The following NAT1 variants were observed in gnomAD, a reference collection of about 807,000 sequenced individuals.
The protein encoded by NAT1 is arylamine N-acetyltransferase 1.
For synonymous variants in NAT1, 144 were observed against 122.6 expected, an observed-to-expected ratio of 1.17 and a Z score of -1.16; for missense variants, 400 against 339.2, an observed-to-expected ratio of 1.18 and a Z score of -1.41.
chr8:18,192,516 T>G (rs960653137), intron 2 of NAT1, among the ~76,000 whole-genome samples: 4 of 152,192 alleles, frequency 2.6e-5, no homozygotes, highest in Non-Finnish European at 5.9e-5. Flanking sequence ...CTATAAATCA[T>G]GCTGCTATAA....
intron 2 of NAT1, among the ~76,000 whole-genome samples, chr8:18,190,595 G>T (rs1034670650): frequency 6.6e-6 from 1 of 152,178 alleles, no homozygotes; most frequent in Non-Finnish European, 1.5e-5. Context: ...GGACCTAGAA[G>T]CCATGAGCAG....
At chr8:18,179,007 T>C (rs1802401730) in intron 2 of NAT1, among the ~76,000 whole-genome samples, 1 of 152,278 alleles carries the variant, frequency 6.6e-6, no homozygotes, top group East Asian at 1.9e-4. Context: ...CTTGTCCTTC[T>C]TGTTCCTGCG....
At chr8:18,208,760 G>T (rs963752256), upstream of NAT1, among the ~76,000 whole-genome samples, 10 of 152,214 alleles carry the variant, frequency 6.6e-5, no homozygotes, top group African/African-American at 2.4e-4. Context: ...AGCCTCCAAG[G>T]CCCTTGATTC....
At chr8:18,214,496 T>A (rs1402257703) in intron 1 of NAT1, among the ~76,000 whole-genome samples, 2 of 152,248 alleles carry the variant, frequency 1.3e-5, no homozygotes, top group African/African-American at 4.8e-5. Flanking sequence ...GCTGTCCTGA[T>A]GTTTTCTCTT....
Position 18,222,455 on chromosome 8 carries a change from G to C in NAT1, c.408G>C (p.Glu136Asp), listed in dbSNP as rs769863219. The change falls in exon 3 of 3, where the codon GAG (glutamate) becomes GAC (aspartate). Residue 136 changes from glutamate to aspartate, a missense_variant. Physicochemically the swap from Glu to Asp is conservative, Grantham distance 45. Transcript: ENST00000307719. ...GRSYQMWQPL[E>D]LISGKDQPQV... ...CATACCAGATGTGGCAGCCTCTGGA[G>C]TTAATTTCTGGGAAGGATCAGCCTC... 8 of 1,613,982 alleles carry C rather than the reference G, an allele frequency of 5.0e-6. No homozygotes were observed. The African/African-American group carries it at 1.1e-4, about 22-fold the overall frequency.
upstream of NAT1, among the ~76,000 whole-genome samples, chr8:18,205,399 G>A (rs995607275): frequency 6.6e-6 from 1 of 152,146 alleles, no homozygotes; most frequent in East Asian, 1.9e-4. Flanking sequence ...CCTTCTCTGT[G>A]CCCTGTAACA....
Position 18,222,138 on chromosome 8 carries a change from C to G in NAT1, c.91C>G (p.Gln31Glu). ...AACATTAACTGACATTCTTCAACAC[C>G]AGATCCGAGCTGTTCCCTTTGAGAA... ...LETLTDILQH[Q>E]IRAVPFENLN... is the part of the protein sequence containing the mutation. Residue 31 changes from glutamine (Q) to glutamate (E), a missense_variant, in exon 3 of 3, where the codon CAG becomes GAG. Physicochemically the swap from Gln to Glu is conservative, Grantham distance 29. Coordinates refer to ENST00000307719, the MANE Select transcript of NAT1 (RefSeq NM_000662.8). 1 of 1,614,116 alleles carries G rather than the reference C, an allele frequency of 6.2e-7. No individual in the cohort carries two copies. Among genetic ancestry groups the G allele is most frequent in the South Asian group, 1.1e-5 (1 of 91,080 alleles).
chr8:18,198,181 T>G (rs919989262), intron 2 of NAT1, among the ~76,000 whole-genome samples: 2 of 152,166 alleles, frequency 1.3e-5, no homozygotes, highest in Non-Finnish European at 1.5e-5. Context: ...AAAATCTGCT[T>G]TTCTTCCTCC....
chr8:18,216,193 C>T (rs1339625273), intron 1 of NAT1, among the ~76,000 whole-genome samples: 2 of 152,160 alleles, frequency 1.3e-5, no homozygotes, highest in African/African-American at 2.4e-5. Flanking sequence ...GTTACCCTGA[C>T]TTTCTGTGGT....
chr8:18,176,863 T>C (rs183087595), intron 2 of NAT1, among the ~76,000 whole-genome samples: 5 of 152,224 alleles, frequency 3.3e-5, no homozygotes, highest in Non-Finnish European at 5.9e-5. Flanking sequence ...ACAGAATATC[T>C]TTCCATTTAT....
At chr8:18,194,303 G>A (rs1803141753) in intron 2 of NAT1, among the ~76,000 whole-genome samples, 1 of 152,122 alleles carries the variant, frequency 6.6e-6, no homozygotes, top group South Asian at 2.1e-4. Context: ...TAGGGGAGAG[G>A]GTGAGGTGGC....
Position 18,222,110 on chromosome 8 carries a change from G to A in NAT1, c.63G>A (p.Leu21=). 1 of 1,614,102 alleles carries A rather than the reference G, an allele frequency of 6.2e-7. No individual in the cohort carries two copies. Among genetic ancestry groups the A allele is most frequent in the Non-Finnish European group, 8.5e-7 (1 of 1,179,984 alleles). The part of the protein sequence containing the change: ...GYKKSRNKLD[L]ETLTDILQHQ... ...AGAAGTCTAGGAACAAATTGGACTTGGAAACATTAACTGACATTCTTCAAC... is the reference window on the plus strand; with the variant it reads ...AGAAGTCTAGGAACAAATTGGACTTAGAAACATTAACTGACATTCTTCAAC... The change falls in exon 3 of 3, where the codon TTG becomes TTA. Residue 21 remains leucine (L), a synonymous_variant. Coordinates refer to ENST00000307719, the MANE Select transcript of NAT1 (RefSeq NM_000662.8).
At chr8:18,216,845 C>T in intron 1 of NAT1, 1 of 1,343,676 alleles carries the variant, frequency 7.4e-7, no homozygotes, top group Non-Finnish European at 1.0e-6. Context: ...TAAGGGGGAA[C>T]TCATAAGAAC....
chr8:18,193,128 G>T (rs979383847), intron 2 of NAT1, among the ~76,000 whole-genome samples: 1 of 139,416 alleles, frequency 7.2e-6, no homozygotes, highest in African/African-American at 2.8e-5. Flanking sequence ...GCCCAGGTTG[G>T]AGTGCAGTGA....
intron 1 of NAT1, chr8:18,211,136 T>C (rs1476332550): frequency 6.6e-6 from 1 of 151,496 alleles, no homozygotes; most frequent in Non-Finnish European, 1.5e-5. Context: ...GGACACTTAC[T>C]GGAGAGGGTC....
At chr8:18,213,444 G>A (rs57737501) in intron 1 of NAT1, among the ~76,000 whole-genome samples, 1 of 151,898 alleles carries the variant, frequency 6.6e-6, no homozygotes, top group African/African-American at 2.4e-5. Flanking sequence ...TGACTCCTGT[G>A]GTTTCATTTT....
intron 2 of NAT1, among the ~76,000 whole-genome samples, chr8:18,183,801 G>A (rs1030268698): frequency 6.6e-6 from 1 of 152,158 alleles, no homozygotes; most frequent in East Asian, 1.9e-4. Context: ...GGGGTAGCAG[G>A]TTTCAAGTCC....
intron 2 of NAT1, among the ~76,000 whole-genome samples, chr8:18,199,550 G>A (rs80163844): frequency 0.011 from 1,638 of 152,126 alleles, 14 homozygotes; most frequent in Middle Eastern, 0.078. Context: ...CCTTCCTTGC[G>A]GAGTTCCAAG....
intron 2 of NAT1, among the ~76,000 whole-genome samples, chr8:18,202,411 G>A (rs1400729441): frequency 6.6e-6 from 1 of 152,196 alleles, no homozygotes; most frequent in African/African-American, 2.4e-5. Context: ...CCCTTATAAA[G>A]CTATTGTGTC....
Sources: allele counts gnomAD v4.1 joint callset (sites outside exome capture counted in the v4.1 genomes callset), GRCh38; gene constraint gnomAD v4.1.1; transcripts MANE v1.5; gene names NCBI Gene and HGNC (gene_info 2026-07-23, HGNC 2026-07-21).